The following DPH6 variants were observed in gnomAD, a reference collection of about 807,000 sequenced individuals.
DPH6 encodes diphthamine biosynthesis 6.
Under a neutral mutation model 38.2 loss-of-function variants are expected in DPH6, and 33 were observed. The observed-to-expected ratio is 0.86, with a 90% CI of 0.65 to 1.15. The LOEUF (loss-of-function observed/expected upper bound fraction) is 1.15, where lower values mean the gene tolerates loss of function less well. DPH6 is among the 50% of genes most tolerant of loss of function. DPH6 has a pLI of 0.00. For missense variants in DPH6, 325 were observed against 320.0 expected, an observed-to-expected ratio of 1.02 and a Z score of -0.12; for synonymous variants, 108 against 103.0, an observed-to-expected ratio of 1.05 and a Z score of -0.30.
chr15:35,430,913 C>T (rs777365859), intron 5 of DPH6, among the ~76,000 whole-genome samples: 1 of 152,020 alleles, frequency 6.6e-6, no homozygotes, highest in African/African-American at 2.4e-5. Context: ...AGCCAAAAGA[C>T]CCAAGATTTA....
chr15:35,279,119 C>A (rs2051880468), intron 3 of DPH6, among the ~76,000 whole-genome samples: 2 of 149,212 alleles, frequency 1.3e-5, no homozygotes, highest in Non-Finnish European at 3.0e-5. Flanking sequence ...GACTGCCCTA[C>A]TGAGTTTCAG....
At chr15:35,367,833 C>T (rs1012387863), downstream of DPH6, among the ~76,000 whole-genome samples, 2 of 151,290 alleles carry the variant, frequency 1.3e-5, no homozygotes, top group African/African-American at 4.9e-5. Context: ...ATTCTAGTTG[C>T]TTAAAGCATT....
Position 35,542,439 on chromosome 15 carries a change from G to C in DPH6, c.92C>G (p.Ala31Gly), listed in dbSNP as rs1383499100. The change falls in exon 2 of 9, where the codon GCA (alanine) becomes GGA (glycine). Residue 31 changes from alanine (A) to glycine (G), a missense_variant. Coordinates refer to ENST00000256538, the MANE Select transcript of DPH6 (RefSeq NM_080650.4). Reference protein sequence around the residue: ...IAAGHQIVALANLRPAENQVG... With the variant: ...IAAGHQIVALGNLRPAENQVG... ...TTGGTTTTCAGCTGGTCTTAGATTT[G>C]CTAAAGCAACGATCTGATGCCCAGC... 1 of 1,574,128 alleles carries C rather than the reference G, an allele frequency of 6.4e-7. No individual in the cohort carries two copies. Among genetic ancestry groups the C allele is most frequent in the Non-Finnish European group, 8.7e-7 (1 of 1,149,412 alleles).
chr15:35,228,207 C>T (rs72707085), intron 3 of DPH6, among the ~76,000 whole-genome samples: 1 of 152,094 alleles, frequency 6.6e-6, no homozygotes, highest in Admixed American at 6.5e-5. Context: ...AAAGACCCTG[C>T]ACCTTAAAAG....
At chr15:35,182,220 A>ATTTTTTTTTTTTT in the DPH6 span, among the ~76,000 whole-genome samples, 1 of 86,040 alleles carries the variant, frequency 1.2e-5, no homozygotes, top group African/African-American at 3.9e-5. Context: ...AACTCTAAGA[A>ATTTTTTTTTTTTT]TTTTTTTTTT....
In DPH6 at chr15:35,377,954, C is replaced by T. The variant is rs191196274; in HGVS notation, c.662+3868G>A. Among the ~76,000 whole-genome samples the T allele has an allele frequency of 3.4e-4, 51 of 151,756 alleles. 3 individuals are homozygous for T. Among genetic ancestry groups the T allele is most frequent in the Admixed American group, 2.6e-3 (39 of 15,240 alleles). On this transcript the variant is annotated intron_variant, in intron 7 of 8. Transcript: ENST00000256538. The stretch of plus-strand genomic sequence containing the variant: ...GTGCAATTATAGATGACTGCAGTCT[C>T]GAACTCCTGGCCTCAAGTGATCTTC...
At chr15:35,243,314 C>G (rs1245093282) in intron 3 of DPH6, among the ~76,000 whole-genome samples, 2 of 141,738 alleles carry the variant, frequency 1.4e-5, no homozygotes, top group African/African-American at 5.1e-5. Context: ...CGCCCATTCT[C>G]TCTCCATACC....
Position 35,334,435 on chromosome 15 carries a change from A to T in DPH6, n.208-3358T>A, listed in dbSNP as rs367943254. On this transcript the variant is annotated intron_variant and non_coding_transcript_variant, in intron 3 of 3. Transcript: ENST00000558973. ...TTAAGTTCAGGGGTAAATGTGCAGG[A>T]TGTGCAGGTTTGTAACATAGGTAAA... 2.0e-5 allele frequency among the ~76,000 whole-genome samples: 3 copies of T among 151,914 alleles called. No homozygotes were observed. In the South Asian group the frequency reaches 6.2e-4, roughly 32 times the overall value.
At chr15:35,235,902 A>G (rs2051547851) in intron 3 of DPH6, among the ~76,000 whole-genome samples, 1 of 152,222 alleles carries the variant, frequency 6.6e-6, no homozygotes, top group Non-Finnish European at 1.5e-5. Flanking sequence ...TCAAAGTTTA[A>G]TTTGTGTTAT....
At chr15:35,156,914 G>A in the DPH6 span, among the ~76,000 whole-genome samples, 5 of 152,308 alleles carry the variant, frequency 3.3e-5, no homozygotes, top group African/African-American at 1.2e-4. Flanking sequence ...ACCTGAATGT[G>A]TAGATTTTCC....
intron 6 of DPH6, among the ~76,000 whole-genome samples, chr15:35,389,670 CTTTT>C (rs200023220): frequency 6.6e-6 from 1 of 151,960 alleles, no homozygotes; most frequent in African/African-American, 2.4e-5. Flanking sequence ...CAATCCCTGC[CTTTT>C]TTTGTTTTCG....
chr15:35,276,582 C>T (rs1463423013), intron 3 of DPH6, among the ~76,000 whole-genome samples: 1 of 152,126 alleles, frequency 6.6e-6, no homozygotes, highest in African/African-American at 2.4e-5. Flanking sequence ...AGATTTAAGT[C>T]CTTGATCCAT....
chr15:35,190,378 T>C, the DPH6 span, among the ~76,000 whole-genome samples: 3 of 152,146 alleles, frequency 2.0e-5, no homozygotes, highest in Non-Finnish European at 4.4e-5. Context: ...AGTTGGTGGG[T>C]AGGGGTCTGA....
the DPH6 span, among the ~76,000 whole-genome samples, chr15:35,201,463 C>G: frequency 6.6e-6 from 1 of 151,754 alleles, no homozygotes; most frequent in Non-Finnish European, 1.5e-5. Context: ...TTTTGCTATT[C>G]TGAATGCTAA....
chr15:35,532,088 A>G (rs891419382), intron 3 of DPH6, among the ~76,000 whole-genome samples: 5 of 152,264 alleles, frequency 3.3e-5, no homozygotes, highest in Non-Finnish European at 5.9e-5. Context: ...GCATAAAGAA[A>G]AGCACAGCCG....
intron 7 of DPH6, among the ~76,000 whole-genome samples, chr15:35,380,809 C>T (rs1438675711): frequency 6.6e-6 from 1 of 151,836 alleles, no homozygotes; most frequent in East Asian, 1.9e-4. Flanking sequence ...CTTTTTCTAC[C>T]CCTTTGAAGG....
chr15:35,459,159 G>T (rs2054032149), intron 3 of DPH6, among the ~76,000 whole-genome samples: 1 of 152,192 alleles, frequency 6.6e-6, no homozygotes, highest in Non-Finnish European at 1.5e-5. Flanking sequence ...TTAAACAACA[G>T]AAATTTACTT....
At chr15:35,492,752 G>A (rs1391882679) in intron 3 of DPH6, among the ~76,000 whole-genome samples, 1 of 151,954 alleles carries the variant, frequency 6.6e-6, no homozygotes, top group Non-Finnish European at 1.5e-5. Context: ...TTACAAATAA[G>A]AAATCTTGAG....
chr15:35,237,717 A>G, intron 3 of DPH6: 1 of 1,613,886 alleles, frequency 6.2e-7, no homozygotes, highest in Non-Finnish European at 8.5e-7. Flanking sequence ...CTGAACGACT[A>G]CCGAGAAAAT....
Sources: gnomAD v4.1 joint callset for allele counts (sites outside exome capture counted in the v4.1 genomes callset) on GRCh38, gnomAD v4.1.1 for gene constraint, MANE v1.5 for transcripts, NCBI Gene and HGNC (gene_info 2026-07-23, HGNC 2026-07-21) for gene names.